GPC5: variants seen among roughly 807,000 people sequenced by gnomAD.
GPC5 encodes the protein glypican-5.
In GPC5, 47 loss-of-function variants were observed where a neutral mutation model predicts 53.9. That is an observed-to-expected ratio of 0.87 (90% CI 0.69 to 1.11). GPC5 has a LOEUF of 1.11. Among genes scored for constraint, GPC5 ranks in the 50% most tolerant of loss-of-function variants. The probability of loss-of-function intolerance (pLI) is 0.00; values close to 1 mark genes in which losing one functional copy is unlikely to be tolerated. For synonymous variants in GPC5, 286 were observed against 263.3 expected (o/e 1.09, Z -0.84); for missense variants, 748 against 713.1 (o/e 1.05, Z -0.56).
At chr13:91,669,874 G>T (rs1275531109) in intron 2 of GPC5, among the ~76,000 whole-genome samples, 1 of 152,192 alleles carries the variant, frequency 6.6e-6, no homozygotes, top group South Asian at 2.1e-4. Flanking sequence ...GAAGGTGAGA[G>T]TCTCACATGG....
chr13:92,257,862 T>G (rs1432771824), intron 7 of GPC5, among the ~76,000 whole-genome samples: 1 of 152,090 alleles, frequency 6.6e-6, no homozygotes, highest in African/African-American at 2.4e-5. Flanking sequence ...CAGGGGTGTT[T>G]AGATAAGAGT....
At chr13:92,333,874 G>T (rs2043304575) in intron 7 of GPC5, among the ~76,000 whole-genome samples, 1 of 152,036 alleles carries the variant, frequency 6.6e-6, no homozygotes, top group South Asian at 2.1e-4. Context: ...GCTCTTAATG[G>T]ATACATAAAG....
rs76246523 is a variant in GPC5, at chr13:92,564,518, T to C, written c.1562-301764T>C. ...TTTTTTGGTGTTTAATTAATTATTT[T>C]ATAATTTCATTTTTTATTTTAAATT... On this transcript the variant is annotated intron_variant, in intron 7 of 7. Transcript: ENST00000377067. Among the ~76,000 whole-genome samples the C allele has an allele frequency of 8.0e-3, 1,217 of 152,186 alleles. 15 individuals carry two copies. The highest frequency in any genetic ancestry group is 0.027 in the African/African-American group (1,143 of 41,566).
intron 2 of GPC5, among the ~76,000 whole-genome samples, chr13:91,542,019 T>TATTAATTAATATTA (rs57504995): frequency 0.77 from 112,791 of 146,874 alleles, 44,398 homozygotes; most frequent in East Asian, 1. Context: ...GAGCTCTTAA[T>TATTAATTAATATTA]ATTAATTAAT....
intron 5 of GPC5, among the ~76,000 whole-genome samples, chr13:91,765,246 C>CT (rs2138675805): frequency 6.6e-6 from 1 of 152,356 alleles, no homozygotes; most frequent in South Asian, 2.1e-4. Flanking sequence ...CACCTAGGAC[C>CT]AATGAATGAG....
intron 7 of GPC5, among the ~76,000 whole-genome samples, chr13:92,676,369 C>A (rs1886937742): frequency 6.6e-6 from 1 of 151,932 alleles, no homozygotes. Flanking sequence ...TATTTAATTC[C>A]AAATATATCT....
chr13:91,667,675 C>G (rs969743064), intron 2 of GPC5, among the ~76,000 whole-genome samples: 1 of 152,180 alleles, frequency 6.6e-6, no homozygotes, highest in African/African-American at 2.4e-5. Context: ...AAGCACACAG[C>G]ATTCCTGATT....
intron 6 of GPC5, among the ~76,000 whole-genome samples, chr13:92,044,779 G>A (rs7325691): frequency 0.44 from 67,150 of 152,034 alleles, 15,170 homozygotes; most frequent in Admixed American, 0.52. Context: ...CCATCCAGAT[G>A]TTGATGTATT....
intron 5 of GPC5, among the ~76,000 whole-genome samples, chr13:91,835,793 T>A (rs2138863255): frequency 6.6e-6 from 1 of 151,838 alleles, no homozygotes; most frequent in East Asian, 1.9e-4. Context: ...AGATGAAGGG[T>A]TGATGGGTGC....
chr13:91,768,070 G>A (rs150143146), intron 5 of GPC5, among the ~76,000 whole-genome samples: 53 of 152,186 alleles, frequency 3.5e-4, no homozygotes, highest in African/African-American at 1.2e-3. Flanking sequence ...GGAAAATATT[G>A]TTTATTAGTC....
At chr13:92,574,808 C>T (rs559745055) in intron 7 of GPC5, among the ~76,000 whole-genome samples, 16 of 152,200 alleles carry the variant, frequency 1.1e-4, no homozygotes, top group Admixed American at 3.3e-4. Context: ...TATCCCTACT[C>T]GGAAGAATGT....
chr13:92,752,185 T>A (rs1290941336), intron 7 of GPC5, among the ~76,000 whole-genome samples: 1 of 152,078 alleles, frequency 6.6e-6, no homozygotes, highest in Non-Finnish European at 1.5e-5. Flanking sequence ...TGCGTCACAG[T>A]GTCCTGTGCT....
chr13:92,110,385 A>C (rs2041547530), intron 6 of GPC5, among the ~76,000 whole-genome samples: 1 of 152,194 alleles, frequency 6.6e-6, no homozygotes, highest in Non-Finnish European at 1.5e-5. Context: ...CAGACTGATC[A>C]TGTTTTGCTA....
intron 2 of GPC5, among the ~76,000 whole-genome samples, chr13:91,573,655 AT>A (rs1395936055): frequency 6.6e-6 from 1 of 152,028 alleles, no homozygotes; most frequent in Non-Finnish European, 1.5e-5. Flanking sequence ...TATATTGATA[AT>A]TTTTTCTAGT....
intron 3 of GPC5, among the ~76,000 whole-genome samples, chr13:91,709,862 T>C (rs560301763): frequency 6.6e-6 from 1 of 152,322 alleles, no homozygotes; most frequent in South Asian, 2.1e-4. Context: ...AGCAATTGTC[T>C]CCAAATTGAT....
rs1048993514 is a variant in GPC5, at chr13:92,669,609, G to A, written c.1562-196673G>A. Reference sequence around the variant, plus strand: ...CCTCACTTTCCTCACACCCTAAACCGAATTGTCCCCAGGTCCCAATCAGCA... The same window carrying A: ...CCTCACTTTCCTCACACCCTAAACCAAATTGTCCCCAGGTCCCAATCAGCA... On this transcript the variant is annotated intron_variant, in intron 7 of 7. Coordinates refer to ENST00000377067, the MANE Select transcript of GPC5 (RefSeq NM_004466.6). Among the ~76,000 whole-genome samples, 12 of 152,082 alleles carry A rather than the reference G, an allele frequency of 7.9e-5. 1 individual carries two copies. The South Asian group carries it at 8.3e-4, about 11-fold the overall frequency.
At chr13:91,744,994 T>A (rs1443385789) in intron 4 of GPC5, among the ~76,000 whole-genome samples, 2 of 152,122 alleles carry the variant, frequency 1.3e-5, no homozygotes, top group Non-Finnish European at 2.9e-5. Context: ...CTGTATCACA[T>A]CTCTTTTGTG....
At chr13:91,597,456 C>A (rs1181205166) in intron 2 of GPC5, among the ~76,000 whole-genome samples, 2 of 152,102 alleles carry the variant, frequency 1.3e-5, no homozygotes, top group Non-Finnish European at 2.9e-5. Context: ...TTGAGCCTGC[C>A]AATACCCTAG....
chr13:91,418,263 GA>G (rs1878373472), intron 1 of GPC5, among the ~76,000 whole-genome samples: 2 of 152,264 alleles, frequency 1.3e-5, no homozygotes, highest in African/African-American at 2.4e-5. Flanking sequence ...AAGTCAAGAA[GA>G]AGAAAGGGTT....
Sources: gnomAD v4.1 joint callset for allele counts (sites outside exome capture counted in the v4.1 genomes callset) on GRCh38, gnomAD v4.1.1 for gene constraint, MANE v1.5 for transcripts, NCBI Gene and HGNC (gene_info 2026-07-23, HGNC 2026-07-21) for gene names.